The following ESD variants were observed in gnomAD, a reference collection of about 807,000 sequenced individuals.
The protein encoded by ESD is S-formylglutathione hydrolase.
Under a neutral mutation model 38.1 loss-of-function variants are expected in ESD, and 34 were observed. That is an observed-to-expected ratio of 0.89 (90% CI 0.68 to 1.19). ESD has a LOEUF of 1.19. Ranked by LOEUF, ESD falls within the 50% of genes most tolerant of loss-of-function variation. The pLI, the probability that ESD is intolerant of heterozygous loss-of-function variation, is 0.00. For missense variants in ESD, 334 were observed against 327.2 expected (o/e 1.02, Z -0.16); for synonymous variants, 97 against 107.0 (o/e 0.91, Z 0.58).
chr13:46,783,552 A>T (rs201091827), intron 5 of ESD, among the ~76,000 whole-genome samples: 3 of 151,284 alleles, frequency 2.0e-5, no homozygotes, highest in Admixed American at 1.3e-4. Context: ...CCTTTTATAT[A>T]TCTATTTTCG....
In ESD at chr13:46,777,516, A is replaced by G. The variant is rs569985356; in HGVS notation, c.708T>C (p.Pro236=). Residue 236 remains proline, a synonymous_variant, in exon 9 of 10, where the codon CCT becomes CCC. Transcript: ENST00000378720. ...CTGTACAGGCAGCTATGAAGTTATC[A>G]GGGAGTAACTGTCCATCTAAAAGAA... The part of the protein sequence containing the change: ...DQFLLDGQLL[P]DNFIAACTEK... The G allele has an allele frequency of 1.1e-5, 18 of 1,611,224 alleles. No homozygotes were observed. The South Asian group carries it at 1.4e-4, about 13-fold the overall frequency.
intron 1 of ESD, among the ~76,000 whole-genome samples, chr13:46,796,356 A>G (rs1275911582): frequency 6.6e-6 from 1 of 152,206 alleles, no homozygotes; most frequent in African/African-American, 2.4e-5. Context: ...ATATATATCA[A>G]TTTGATAGGG....
chr13:46,787,033 A>G lies in ESD; in HGVS notation c.145T>C (p.Tyr49His). 1 of 1,543,340 alleles carries G rather than the reference A, an allele frequency of 6.5e-7. No homozygotes were observed. Residue 49 changes from tyrosine (Y) to histidine (H), a missense_variant, in exon 4 of 10, where the codon TAT becomes CAT. By Grantham distance (83) the Tyr-to-His change is moderately conservative. Transcript: ENST00000378720. ...KAETGKCPAL[Y>H]WLSGLTCTEQ... is the part of the protein sequence containing the mutation. ...GCATAATACTTACCTGAGAGCCAAT[A>G]CAGTGCAGGGCACTTTCCTGTTTCT...
chr13:46,785,699 C>T (rs1398612761), intron 4 of ESD: 4 of 151,970 alleles, frequency 2.6e-5, no homozygotes, highest in Admixed American at 6.6e-5. Context: ...TGTTCTTCAG[C>T]ATCTCACTAA....
chr13:46,784,301 C>G lies in ESD; in HGVS notation c.207G>C (p.Gln69His). 1 of 1,611,722 alleles carries G rather than the reference C, an allele frequency of 6.2e-7. No individual in the cohort carries two copies. Among genetic ancestry groups the G allele is most frequent in the Non-Finnish European group, 8.5e-7 (1 of 1,178,834 alleles). ...QNFISKSGYHQSASEHGLVVI... is the reference protein window; with the variant it reads ...QNFISKSGYHHSASEHGLVVI... ...CAACAAGACCATGTTCTGAAGCAGACTGATGATAACCAGATTTTGATATAA... is the reference window on the plus strand; with the variant it reads ...CAACAAGACCATGTTCTGAAGCAGAGTGATGATAACCAGATTTTGATATAA... Residue 69 changes from glutamine to histidine, a missense_variant, in exon 5 of 10, where the codon CAG becomes CAC. Coordinates refer to ENST00000378720, the MANE Select transcript of ESD (RefSeq NM_001984.2).
chr13:46,785,346 T>C lies in ESD; in HGVS notation c.158-996A>G, dbSNP rs936540394. 2.6e-5 allele frequency among the ~76,000 whole-genome samples: 4 copies of C among 152,018 alleles called. No homozygotes were observed. In the South Asian group the frequency reaches 6.2e-4, roughly 24 times the overall value. ...TGTTTATACTTTTTGGCTATTATAA[T>C]AGTGTGCCATGAACATTCATGTGCA... On this transcript the variant is annotated intron_variant, in intron 4 of 9. Transcript: ENST00000378720.
chr13:46,773,219 A>ATCTT (rs1363722199), intron 9 of ESD, among the ~76,000 whole-genome samples: 1 of 152,184 alleles, frequency 6.6e-6, no homozygotes, highest in African/African-American at 2.4e-5. Context: ...GTGTGCTTGT[A>ATCTT]TCTTTATAAC....
chr13:46,796,235 T>G (rs555508370), intron 1 of ESD, among the ~76,000 whole-genome samples: 1 of 152,318 alleles, frequency 6.6e-6, no homozygotes, highest in South Asian at 2.1e-4. Flanking sequence ...AGAGCAGGTT[T>G]TGGGGCCAGA....
In ESD at chr13:46,781,572, C is replaced by T. The variant is rs1875003083; in HGVS notation, c.425G>A (p.Arg142Lys). 6.2e-7 allele frequency: 1 copy of T among 1,608,658 alleles called. No individual in the cohort carries two copies. The highest frequency in any genetic ancestry group is 1.3e-5 in the African/African-American group (1 of 74,648). Residue 142 changes from arginine to lysine, a missense_variant, in exon 7 of 10, where the codon AGG becomes AAG. Physicochemically the swap from Arg to Lys is conservative, Grantham distance 26. Coordinates refer to ENST00000378720, the MANE Select transcript of ESD (RefSeq NM_001984.2). ...CATGGAGTGGCCAAAAATAGACATC[C>T]TTTGGGGATCCACTGGAAAATTGGC... ...INANFPVDPQ[R>K]MSIFGHSMGG... is the part of the protein sequence containing the mutation.
At chr13:46,787,614 T>C (rs1183605428) in intron 3 of ESD, among the ~76,000 whole-genome samples, 1 of 151,934 alleles carries the variant, frequency 6.6e-6, no homozygotes, top group Non-Finnish European at 1.5e-5. Flanking sequence ...GTTTTTCCAG[T>C]AAACAGTAAT....
chr13:46,781,658 T>C (rs1435357841), intron 6 of ESD, 43 bp from the exon 7 acceptor site: 2 of 1,555,078 alleles, frequency 1.3e-6, no homozygotes, highest in Non-Finnish European at 1.8e-6. Flanking sequence ...TCAAAGAAAA[T>C]AAGTTCAGAC....
Position 46,782,841 on chromosome 13 carries a change from T to C in ESD, c.257-50A>G, listed in dbSNP as rs574815169. On this transcript the variant is annotated intron_variant, in intron 5 of 9. Transcript: ENST00000378720. ...TCATCTGCTCTGTAGTAATGGCCCA[T>C]GTTTAATAACACACTTTCAGATGAA... 1.8e-5 allele frequency: 29 copies of C among 1,597,240 alleles called. No individual in the cohort carries two copies. In the East Asian group the frequency reaches 5.4e-4, roughly 30 times the overall value.
intron 9 of ESD, among the ~76,000 whole-genome samples, chr13:46,773,836 G>C (rs1483946712): frequency 1.3e-5 from 2 of 152,186 alleles, no homozygotes; most frequent in African/African-American, 4.8e-5. Context: ...CAGCTGGCTA[G>C]TTGAATTTAG....
chr13:46,797,426 T>C (rs76308766), upstream of ESD, among the ~76,000 whole-genome samples: 16 of 152,246 alleles, frequency 1.1e-4, no homozygotes, highest in Middle Eastern at 3.2e-3. Flanking sequence ...GGGATCAGTC[T>C]GCTGTGCGTG....
intron 9 of ESD, among the ~76,000 whole-genome samples, chr13:46,773,300 T>C (rs1189090890): frequency 1.3e-5 from 2 of 152,212 alleles, no homozygotes; most frequent in African/African-American, 4.8e-5. Flanking sequence ...TTTCTGCCTC[T>C]AGGTCTGCGG....
intron 3 of ESD, among the ~76,000 whole-genome samples, chr13:46,788,174 C>T (rs74345439): frequency 0.021 from 3,196 of 151,896 alleles, 109 homozygotes; most frequent in African/African-American, 0.072. Context: ...TTTCATTGAG[C>T]TGGTAATTCT....
intron 1 of ESD, among the ~76,000 whole-genome samples, chr13:46,796,539 C>T (rs951212449): frequency 3.3e-5 from 5 of 152,230 alleles, no homozygotes; most frequent in African/African-American, 1.2e-4. Context: ...TCCCCCACAG[C>T]GCTCTGAGAG....
rs772705644 is a variant in ESD, at chr13:46,777,438, A to C, written c.768+18T>G. On this transcript the variant is annotated intron_variant, in intron 9 of 9. Coordinates refer to ENST00000378720, the MANE Select transcript of ESD (RefSeq NM_001984.2). Reference sequence around the variant, plus strand: ...TAGTTACATTATCTAGATCAAGCTAAAGTTTCCTAATACTTGCCTCTTGCA... The same window carrying C: ...TAGTTACATTATCTAGATCAAGCTACAGTTTCCTAATACTTGCCTCTTGCA... The C allele has an allele frequency of 1.9e-6, 3 of 1,584,570 alleles. No individual in the cohort carries two copies. The highest frequency in any genetic ancestry group is 4.5e-5 in the East Asian group (2 of 44,606).
intron 7 of ESD, 118 bp from the exon 8 acceptor site, chr13:46,780,151 C>A: frequency 1.6e-6 from 1 of 640,244 alleles, no homozygotes; most frequent in South Asian, 2.2e-5. Context: ...AAAATTCTGA[C>A]TTGCCATGAA....
Sources: gnomAD v4.1 joint callset for allele counts (sites outside exome capture counted in the v4.1 genomes callset) on GRCh38, gnomAD v4.1.1 for gene constraint, MANE v1.5 for transcripts, NCBI Gene and HGNC (gene_info 2026-07-23, HGNC 2026-07-21) for gene names.